The following FAM178B variants were observed in gnomAD, a reference collection of about 807,000 sequenced individuals.
FAM178B encodes the protein protein FAM178B.
In FAM178B, 82 loss-of-function variants were observed where a neutral mutation model predicts 91.7. The observed-to-expected ratio is 0.89, with a 90% CI of 0.75 to 1.07. FAM178B has a LOEUF of 1.07. Among genes scored for constraint, FAM178B ranks in the 50% least tolerant of loss-of-function variants. The pLI is 0.00. For synonymous variants in FAM178B, 368 were observed against 359.4 expected, an observed-to-expected ratio of 1.02 and a Z score of -0.27; for missense variants, 769 against 846.7, an observed-to-expected ratio of 0.91 and a Z score of 1.14.
At chr2:96,878,625 G>T in intron 14 of FAM178B, 132 bp from the exon 15 acceptor site, 1 of 773,856 alleles carries the variant, frequency 1.3e-6, no homozygotes, top group African/African-American at 1.7e-5. Context: ...TAGGCTTTCA[G>T]CAACAGTTTC....
At chr2:96,967,726 A>G in intron 4 of FAM178B, 99 bp from the exon 5 acceptor site, 1 of 815,648 alleles carries the variant, frequency 1.2e-6, no homozygotes, top group Admixed American at 2.1e-5. Context: ...CAGCAAGACC[A>G]GAGGGCTGCG....
Position 96,909,591 on chromosome 2 carries a change from C to CG in FAM178B, c.1563-6885dup, listed in dbSNP as rs1002640318. 3.3e-5 allele frequency among the ~76,000 whole-genome samples: 5 copies of CG among 152,218 alleles called. 1 individual carries two copies. The highest frequency in any genetic ancestry group is 5.9e-5 in the Non-Finnish European group (4 of 68,040). ...AATGTTCCCTTTCAAGTGCGACACT[C>CG]GGAGTTGAGGCTGATGCTCATTTTC... On this transcript the variant is annotated intron_variant, in intron 12 of 16. Coordinates refer to ENST00000490605, the MANE Select transcript of FAM178B (RefSeq NM_001122646.3).
At chr2:96,887,480 G>C (rs1441287463) in intron 14 of FAM178B, among the ~76,000 whole-genome samples, 1 of 152,212 alleles carries the variant, frequency 6.6e-6, no homozygotes, top group Non-Finnish European at 1.5e-5. Flanking sequence ...ACAAGCCACG[G>C]GTTGAGCCAT....
In FAM178B at chr2:96,965,146, C is replaced by T. The variant is rs545674217; in HGVS notation, c.734+2374G>A. Among the ~76,000 whole-genome samples, 7 of 151,898 alleles carry T rather than the reference C, an allele frequency of 4.6e-5. 1 individual carries two copies. The highest frequency in any genetic ancestry group is 4.2e-4 in the South Asian group (2 of 4,814). ...TCCTGAGTAGCTGGGATTACAGGTA[C>T]GCGTCACCACGCCCAGCTAATTTTT... is the stretch of plus-strand genomic sequence containing the variant. On this transcript the variant is annotated intron_variant, in intron 5 of 16. Coordinates refer to ENST00000490605, the MANE Select transcript of FAM178B (RefSeq NM_001122646.3).
Position 96,878,546 on chromosome 2 carries a change from T to C in FAM178B, c.1777-53A>G, listed in dbSNP as rs117362527. On this transcript the variant is annotated intron_variant, in intron 14 of 16. Coordinates refer to ENST00000490605, the MANE Select transcript of FAM178B (RefSeq NM_001122646.3). ...TTCTCTAACTCCACCCAGGGCAGCATGGCGTGCCCTCCACCTGCACACTCC... is the reference window on the plus strand; with the variant it reads ...TTCTCTAACTCCACCCAGGGCAGCACGGCGTGCCCTCCACCTGCACACTCC... 402 of 1,543,518 alleles carry C rather than the reference T, an allele frequency of 2.6e-4. 4 individuals are homozygous for C. The East Asian group carries it at 8.6e-3, about 33-fold the overall frequency.
In FAM178B at chr2:96,971,892, C is replaced by A. The variant is rs533544480; in HGVS notation, c.564+9G>T. On this transcript the variant is annotated intron_variant, in intron 3 of 16. Coordinates refer to ENST00000490605, the MANE Select transcript of FAM178B (RefSeq NM_001122646.3). The stretch of plus-strand genomic sequence containing the variant: ...AAGGAGAAGAGGCCAAGGGTGGACA[C>A]AGGCTCACCTCTGGGGCCGCAGCCT... 4.6e-5 allele frequency: 68 copies of A among 1,475,576 alleles called. No individual in the cohort carries two copies. The highest frequency in any genetic ancestry group is 5.7e-5 in the Non-Finnish European group (63 of 1,112,098). The allele number at this position is 1,475,576 out of a possible 1,614,324, so 91.4% of individuals were successfully genotyped here.
chr2:96,960,353 G>C lies in FAM178B; in HGVS notation c.822C>G (p.Pro274=), dbSNP rs1190563865. ...GTGAGGAGTCCAGGATGCATGGCAG[G>C]GGGTGACACCTGGGCAGAAACACAG... ...GETVFLPRCH[P]LPCILDSSLL... Residue 274 remains proline (P), a synonymous_variant, in exon 6 of 17, where the codon CCC becomes CCG. Transcript: ENST00000490605. 1 of 1,551,838 alleles carries C rather than the reference G, an allele frequency of 6.4e-7. No homozygotes were observed. Among genetic ancestry groups the C allele is most frequent in the Admixed American group, 2.0e-5 (1 of 50,998 alleles).
intron 8 of FAM178B, among the ~76,000 whole-genome samples, chr2:96,935,762 T>G (rs1403748111): frequency 7.9e-6 from 1 of 126,646 alleles, no homozygotes. Flanking sequence ...GCCTCTCAAG[T>G]GGCTGGGACT....
At chr2:96,964,592 C>T (rs531722463) in intron 5 of FAM178B, among the ~76,000 whole-genome samples, 2 of 151,976 alleles carry the variant, frequency 1.3e-5, no homozygotes, top group Admixed American at 6.6e-5. Flanking sequence ...ATCGATTCCC[C>T]GCTCCCTTGG....
chr2:96,888,949 TC>T (rs1451299928), intron 14 of FAM178B, among the ~76,000 whole-genome samples: 1 of 151,960 alleles, frequency 6.6e-6, no homozygotes, highest in Non-Finnish European at 1.5e-5. Flanking sequence ...AAGCCACACA[TC>T]CCCAGGCCTC....
chr2:96,975,123 C>T (rs1435036975), intron 1 of FAM178B, among the ~76,000 whole-genome samples: 3 of 139,536 alleles, frequency 2.1e-5, no homozygotes, highest in Non-Finnish European at 4.7e-5. Flanking sequence ...AAAAAAGAAC[C>T]AATCATCAAG....
At chr2:96,900,517 G>A (rs1225056785) in intron 13 of FAM178B, among the ~76,000 whole-genome samples, 2 of 152,138 alleles carry the variant, frequency 1.3e-5, no homozygotes, top group Non-Finnish European at 2.9e-5. Flanking sequence ...TCTGCTTGGG[G>A]GTAGGGGATG....
intron 13 of FAM178B, among the ~76,000 whole-genome samples, chr2:96,900,121 G>T (rs1197172750): frequency 1.3e-5 from 2 of 152,004 alleles, no homozygotes; most frequent in Non-Finnish European, 2.9e-5. Flanking sequence ...CTCTCTCTCT[G>T]GCCACCTGTG....
chr2:96,948,045 T>C (rs1411462234), intron 7 of FAM178B, 143 bp from the exon 8 acceptor site: 1 of 598,174 alleles, frequency 1.7e-6, no homozygotes. Context: ...ACATTGTCAT[T>C]GTTGCCAATT....
chr2:96,973,188 C>G (rs549289113), intron 1 of FAM178B, among the ~76,000 whole-genome samples: 1 of 141,936 alleles, frequency 7.0e-6, no homozygotes, highest in East Asian at 2.1e-4. Flanking sequence ...AGCCTGGCAA[C>G]AGAGTGAGAC....
intron 14 of FAM178B, among the ~76,000 whole-genome samples, chr2:96,887,321 A>T (rs903793261): frequency 6.6e-6 from 1 of 152,190 alleles, no homozygotes; most frequent in Admixed American, 6.5e-5. Flanking sequence ...CTCCTGCCTC[A>T]ACCTCTGAAA....
intron 8 of FAM178B, among the ~76,000 whole-genome samples, chr2:96,938,703 C>G (rs1417316800): frequency 6.6e-6 from 1 of 152,254 alleles, no homozygotes; most frequent in Non-Finnish European, 1.5e-5. Flanking sequence ...AAAAGCAAAA[C>G]AAAAACATGG....
chr2:96,887,248 T>C (rs543468166), intron 14 of FAM178B, among the ~76,000 whole-genome samples: 1 of 151,848 alleles, frequency 6.6e-6, no homozygotes, highest in South Asian at 2.1e-4. Flanking sequence ...ACAAACCGTT[T>C]GCAGAAATAA....
rs1273122750 is a variant in FAM178B, at chr2:96,876,308, C to G, written c.2008G>C (p.Ala670Pro). The part of the protein sequence containing the change: ...QELLTHCQPQ[A>P]QYFSPWKDI ...TCTTTCCAGGGGCTGAAATACTGGG[C>G]CTGCGGCGAGGAGAAAAGCAGGCTG... Residue 670 changes from alanine (A) to proline (P), a missense_variant and splice_region_variant, in exon 17 of 17, where the codon GCC (alanine) becomes CCC (proline). By Grantham distance (27) the Ala-to-Pro change is conservative. Coordinates refer to ENST00000490605, the MANE Select transcript of FAM178B (RefSeq NM_001122646.3). The G allele has an allele frequency of 6.2e-7, 1 of 1,602,670 alleles. No individual in the cohort carries two copies. The highest frequency in any genetic ancestry group is 1.7e-5 in the Admixed American group (1 of 57,936).
Sources: allele counts gnomAD v4.1 joint callset (sites outside exome capture counted in the v4.1 genomes callset), GRCh38; gene constraint gnomAD v4.1.1; transcripts MANE v1.5; gene names NCBI Gene and HGNC (gene_info 2026-07-23, HGNC 2026-07-21).